EIF4E1B: variants seen among roughly 807,000 people sequenced by gnomAD.
EIF4E1B encodes the protein eukaryotic translation initiation factor 4E type 1B.
Under a neutral mutation model 31.3 loss-of-function variants are expected in EIF4E1B, and 22 were observed. The observed-to-expected ratio is 0.70, with a 90% CI of 0.50 to 1.00. The LOEUF (loss-of-function observed/expected upper bound fraction) is 1.00. Ranked by LOEUF, EIF4E1B falls within the 50% of genes least tolerant of loss-of-function variation. The probability of loss-of-function intolerance (pLI) is 0.00; values close to 1 mark genes in which losing one functional copy is unlikely to be tolerated. For missense variants in EIF4E1B, 290 were observed against 311.6 expected (o/e 0.93, Z 0.52); for synonymous variants, 126 against 120.2 (o/e 1.05, Z -0.31).
chr5:176,645,983 G>T lies in EIF4E1B; in HGVS notation c.*3G>T. 1 of 1,596,252 alleles carries T rather than the reference G, an allele frequency of 6.3e-7. No individual in the cohort carries two copies. Among genetic ancestry groups the T allele is most frequent in the East Asian group, 2.3e-5 (1 of 43,828 alleles). ...CCAAGAACAAGTTTGTGGTGTGAGG[G>T]GGGCCTTGGCACCCCTCCTATGTAA... On this transcript the variant is annotated 3_prime_UTR_variant, in exon 9 of 9. Transcript: ENST00000318682. The surrounding 1 kb of genome is among the most constrained non-coding windows in gnomAD (Gnocchi z 5.4).
chr5:176,636,223 T>A (rs142139100), intron 1 of EIF4E1B, among the ~76,000 whole-genome samples: 3 of 152,322 alleles, frequency 2.0e-5, no homozygotes, highest in African/African-American at 7.2e-5. Context: ...GCAGGATGGA[T>A]CCTTTCCCCC....
Position 176,645,578 on chromosome 5 carries a change from A to AG in EIF4E1B, c.614+67dup, listed in dbSNP as rs752687973. The AG allele has an allele frequency of 2.7e-6, 4 of 1,473,318 alleles. No homozygotes were observed. Among genetic ancestry groups the AG allele is most frequent in the South Asian group, 1.5e-5 (1 of 67,072 alleles). The allele number at this position is 1,473,318 out of a possible 1,614,324, so 91.3% of individuals were successfully genotyped here. On this transcript the variant is annotated intron_variant, in intron 8 of 8. Transcript: ENST00000318682. The surrounding 1 kb of genome is among the most constrained non-coding windows in gnomAD (Gnocchi z 5.4). ...TCTCTGCTAGAGGGAAGGTGGGTGG[A>AG]GGGGGCTTGGCCTGCATGGGAGACC...
intron 5 of EIF4E1B, chr5:176,643,937 G>T: frequency 1.6e-6 from 1 of 607,842 alleles, no homozygotes. Flanking sequence ...TGGGGAGCAG[G>T]AGAAGCAGGA....
At chr5:176,643,544 C>A in intron 4 of EIF4E1B, 95 bp from the exon 5 acceptor site, 1 of 1,226,968 alleles carries the variant, frequency 8.2e-7, no homozygotes, top group Non-Finnish European at 1.2e-6. Flanking sequence ...CCCAGTTCGC[C>A]CTTGAAGGGG....
At chr5:176,642,571 G>A (rs1760596735) in intron 2 of EIF4E1B, 139 bp from the exon 3 acceptor site, 1 of 638,794 alleles carries the variant, frequency 1.6e-6, no homozygotes, top group Non-Finnish European at 2.6e-6. Flanking sequence ...GATGGTGCCA[G>A]AAGGCCCCAC....
chr5:176,640,513 C>G (rs1419821557), intron 1 of EIF4E1B, among the ~76,000 whole-genome samples: 1 of 152,222 alleles, frequency 6.6e-6, no homozygotes, highest in Admixed American at 6.5e-5. Flanking sequence ...CTAAATATCA[C>G]TGAGTTTTCC....
chr5:176,642,302 A>C (rs548181443), intron 2 of EIF4E1B, 137 bp downstream of exon 2: 1 of 153,266 alleles, frequency 6.5e-6, no homozygotes, highest in East Asian at 1.9e-4. Flanking sequence ...TTAGTATAAA[A>C]CCCCCCTATG....
intron 1 of EIF4E1B, among the ~76,000 whole-genome samples, chr5:176,640,421 A>C (rs1444996958): frequency 6.6e-6 from 1 of 152,254 alleles, no homozygotes; most frequent in Non-Finnish European, 1.5e-5. Context: ...TATTGTTTTA[A>C]GCCACTGAGT....
intron 1 of EIF4E1B, among the ~76,000 whole-genome samples, chr5:176,632,774 C>T (rs1386056714): frequency 6.6e-6 from 1 of 152,182 alleles, no homozygotes; most frequent in Non-Finnish European, 1.5e-5. Context: ...AAATTGCCCC[C>T]TTCCCATGTT....
Position 176,645,782 on chromosome 5 carries a change from T to C in EIF4E1B, c.615-84T>C. Reference sequence around the variant, plus strand: ...GGTGTGGCTGTGGCCAGAATGAGGGTAGGAGTCTGGTGGCCTAAGTTATCT... The same window carrying C: ...GGTGTGGCTGTGGCCAGAATGAGGGCAGGAGTCTGGTGGCCTAAGTTATCT... On this transcript the variant is annotated intron_variant, in intron 8 of 8. Coordinates refer to ENST00000318682, the MANE Select transcript of EIF4E1B (RefSeq NM_001099408.2). This position sits in a 1 kb window ranked among gnomAD's most constrained non-coding sequence, Gnocchi z 5.4. 1 of 1,266,748 alleles carries C rather than the reference T, an allele frequency of 7.9e-7. No individual in the cohort carries two copies. Among genetic ancestry groups the C allele is most frequent in the Non-Finnish European group, 1.1e-6 (1 of 924,200 alleles). 78.5% of individuals were successfully genotyped at this position (1,266,748 alleles called of 1,614,324 possible). A position where few individuals can be genotyped will look rare whatever the true frequency, so the allele number is the denominator to read the frequency against.
intron 6 of EIF4E1B, 131 bp from the exon 7 acceptor site, chr5:176,644,999 G>A: frequency 2.6e-6 from 2 of 775,698 alleles, no homozygotes. Flanking sequence ...TGCTTGCACT[G>A]AGGGAAGGGA....
Position 176,642,727 on chromosome 5 carries a change from G to A in EIF4E1B, c.-61G>A. 6.4e-6 allele frequency: 10 copies of A among 1,551,868 alleles called. No individual in the cohort carries two copies. Among genetic ancestry groups the A allele is most frequent in the Non-Finnish European group, 7.8e-6 (9 of 1,147,274 alleles). On this transcript the variant is annotated 5_prime_UTR_variant, in exon 3 of 9. The change creates a new upstream start codon in the 5' untranslated region. Transcript: ENST00000318682. ...ACCTTCAGGTCTTGGCCCCCATGGT[G>A]TGGGGCTTGGTCACAGCTGCTTCCC...
rs556861074 is a variant in EIF4E1B at position 176,645,558 on chromosome 5, G to T, written c.614+42G>T. On this transcript the variant is annotated intron_variant, in intron 8 of 8. Transcript: ENST00000318682. The surrounding 1 kb of genome is among the most constrained non-coding windows in gnomAD (Gnocchi z 5.4). ...GCACAGGGTGGGGACTTGGGTCTCTGCTAGAGGGAAGGTGGGTGGAGGGGG... is the reference window on the plus strand; with the variant it reads ...GCACAGGGTGGGGACTTGGGTCTCTTCTAGAGGGAAGGTGGGTGGAGGGGG... 2.7e-6 allele frequency: 4 copies of T among 1,493,394 alleles called. No homozygotes were observed. In the African/African-American group the frequency reaches 5.6e-5, roughly 21 times the overall value. 92.5% of individuals were successfully genotyped at this position (1,493,394 alleles called of 1,614,324 possible).
At chr5:176,631,330 G>A (rs1215230882) in intron 1 of EIF4E1B, among the ~76,000 whole-genome samples, 1 of 152,202 alleles carries the variant, frequency 6.6e-6, no homozygotes, top group East Asian at 1.9e-4. Context: ...GTGTGCTTAC[G>A]GTGGGGACTG....
chr5:176,632,357 G>C (rs910819768), intron 1 of EIF4E1B, among the ~76,000 whole-genome samples: 17 of 152,216 alleles, frequency 1.1e-4, no homozygotes, highest in African/African-American at 3.9e-4. Context: ...CAGGGTTCAA[G>C]CAATTCTCCT....
Position 176,643,095 on chromosome 5 carries a change from A to T in EIF4E1B, c.29A>T (p.Glu10Val), listed in dbSNP as rs1561910516. MLAVEVSEAEGGIREWEEEE... is the reference protein window; with the variant it reads MLAVEVSEAVGGIREWEEEE... ...TTTTTGGCTCAGGTGAGTGAAGCTG[A>T]GGGTGGAATCCGAGAGTGGGAGGAG... Residue 10 changes from glutamate (E) to valine (V), a missense_variant, in exon 4 of 9, where the codon GAG becomes GTG. Coordinates refer to ENST00000318682, the MANE Select transcript of EIF4E1B (RefSeq NM_001099408.2). 1 of 1,612,410 alleles carries T rather than the reference A, an allele frequency of 6.2e-7. No homozygotes were observed. Among genetic ancestry groups the T allele is most frequent in the Non-Finnish European group, 8.5e-7 (1 of 1,179,178 alleles).
At chr5:176,644,680 T>C (rs919047880) in intron 6 of EIF4E1B, 12 of 536,092 alleles carry the variant, frequency 2.2e-5, no homozygotes, top group African/African-American at 2.1e-4. Context: ...ATTTCTGACC[T>C]GGCTCCTTAA....
chr5:176,642,633 T>G, intron 2 of EIF4E1B, 77 bp from the exon 3 acceptor site: 1 of 1,271,134 alleles, frequency 7.9e-7, no homozygotes, highest in Non-Finnish European at 1.1e-6. Context: ...CCACCTCACA[T>G]TCTGGGGTCA....
chr5:176,642,887 T>C, intron 3 of EIF4E1B, 85 bp downstream of exon 3: 3 of 992,140 alleles, frequency 3.0e-6, no homozygotes, highest in Non-Finnish European at 3.8e-6. Context: ...GCGGGGCAGG[T>C]GCTGGTGGGT....
Sources: gnomAD v4.1 joint callset for allele counts (sites outside exome capture counted in the v4.1 genomes callset) on GRCh38, gnomAD v4.1.1 for gene constraint, Gnocchi (gnomAD v3.1) non-coding constraint, MANE v1.5 for transcripts, NCBI Gene and HGNC (gene_info 2026-07-23, HGNC 2026-07-21) for gene names.